Variants in HHIPL1 observed in about 807,000 individuals in gnomAD.
The protein encoded by HHIPL1 is HHIP like 1.
In HHIPL1, 43 loss-of-function variants were observed where a neutral mutation model predicts 61.8. The ratio of observed to expected loss-of-function variants is 0.70; its 90% CI spans 0.55 to 0.90. HHIPL1 has a LOEUF of 0.90. Among genes scored for constraint, HHIPL1 ranks in the 40% least tolerant of loss-of-function variants. The probability of loss-of-function intolerance (pLI) is 0.00; values close to 1 mark genes in which losing one functional copy is unlikely to be tolerated. For missense variants in HHIPL1, 1,056 were observed against 1,157.7 expected, an observed-to-expected ratio of 0.91 and a Z score of 1.28; for synonymous variants, 482 against 515.8, an observed-to-expected ratio of 0.93 and a Z score of 0.89.
chr14:99,660,280 A>T lies in HHIPL1; in HGVS notation c.1376A>T (p.Asn459Ile). The change falls in exon 5 of 9, where the codon AAT (asparagine) becomes ATT (isoleucine). Residue 459 changes from asparagine (N) to isoleucine (I), a missense_variant and splice_region_variant. Physicochemically the swap from Asn to Ile is moderately radical, Grantham distance 149. Coordinates refer to ENST00000330710, the MANE Select transcript of HHIPL1 (RefSeq NM_001127258.3). This position sits in a 1 kb window ranked among gnomAD's most constrained non-coding sequence, Gnocchi z 4.9. Reference protein sequence around the residue: ...DRSLCANTSLNDLLPIFAYPH... With the variant: ...DRSLCANTSLIDLLPIFAYPH... ...AGCTTCTCTCCCTCCCACCCCGCAG[A>T]TGACTTGCTGCCGATTTTCGCCTAC... The T allele has an allele frequency of 6.2e-7, 1 of 1,613,814 alleles. No homozygotes were observed. The highest frequency in any genetic ancestry group is 2.2e-5 in the East Asian group (1 of 44,812).
chr14:99,632,007 A>G, the HHIPL1 span, among the ~76,000 whole-genome samples: 1 of 152,168 alleles, frequency 6.6e-6, no homozygotes, highest in Non-Finnish European at 1.5e-5. Context: ...CCTGGGAGCG[A>G]GGCTGGGAGT....
the HHIPL1 span, among the ~76,000 whole-genome samples, chr14:99,613,587 C>T: frequency 3.3e-5 from 5 of 152,040 alleles, no homozygotes; most frequent in Non-Finnish European, 5.9e-5. Flanking sequence ...GTGTGAGCCA[C>T]GTTGCCAGGC....
the HHIPL1 span, among the ~76,000 whole-genome samples, chr14:99,634,819 G>C: frequency 1.3e-5 from 2 of 152,218 alleles, no homozygotes; most frequent in Admixed American, 6.5e-5. Context: ...CAGGCTGGCA[G>C]TCCGCAGCGG....
chr14:99,615,955 G>A, the HHIPL1 span, among the ~76,000 whole-genome samples: 1 of 152,186 alleles, frequency 6.6e-6, no homozygotes, highest in African/African-American at 2.4e-5. Flanking sequence ...GTCAAAACAA[G>A]GAGGCAATTA....
intron 3 of HHIPL1, among the ~76,000 whole-genome samples, chr14:99,657,881 C>A (rs371362981): frequency 5.4e-4 from 82 of 151,292 alleles, no homozygotes; most frequent in African/African-American, 1.9e-3. Context: ...ACACACACAT[C>A]CACACACATC....
chr14:99,631,052 CTTTCTTTCTTTCTTTCTTTCTTTCTTTCT>C, the HHIPL1 span, among the ~76,000 whole-genome samples: 8 of 63,774 alleles, frequency 1.3e-4, no homozygotes, highest in Admixed American at 2.7e-4. Context: ...GCTCCATTTT[CTTTCTTTCTTTCTTTCTTTCTTTCTTTCT>C]TTCTTTCTTT....
chr14:99,660,337 G>A lies in HHIPL1; in HGVS notation c.1433G>A (p.Gly478Asp), dbSNP rs528199349. Residue 478 changes from glycine to aspartate, a missense_variant, in exon 5 of 9, where the codon GGC (glycine) becomes GAC (aspartate). Coordinates refer to ENST00000330710, the MANE Select transcript of HHIPL1 (RefSeq NM_001127258.3). This position sits in a 1 kb window ranked among gnomAD's most constrained non-coding sequence, Gnocchi z 4.9. ...PHTVGKSVTGGYVYRGCEYPN... is the reference protein window; with the variant it reads ...PHTVGKSVTGDYVYRGCEYPN... Reference sequence around the variant, plus strand: ...ACGGTTGGCAAGTCGGTCACAGGGGGCTACGTGTACCGGGGCTGCGAGTAC... The same window carrying A: ...ACGGTTGGCAAGTCGGTCACAGGGGACTACGTGTACCGGGGCTGCGAGTAC... 3.5e-5 allele frequency: 56 copies of A among 1,614,132 alleles called. No homozygotes were observed. The highest frequency in any genetic ancestry group is 4.2e-5 in the Non-Finnish European group (50 of 1,180,004).
At chr14:99,646,769 G>A (rs969637875) in intron 1 of HHIPL1, among the ~76,000 whole-genome samples, 120 of 149,388 alleles carry the variant, frequency 8.0e-4, no homozygotes, top group African/African-American at 2.8e-3. Flanking sequence ...GCAAGACTCC[G>A]TCTCAAAAAT....
chr14:99,651,034 A>G (rs762788956), intron 1 of HHIPL1, among the ~76,000 whole-genome samples: 1 of 152,194 alleles, frequency 6.6e-6, no homozygotes, highest in Non-Finnish European at 1.5e-5. Context: ...AGATGGCTTG[A>G]GCTCAGGAGT....
In HHIPL1 at chr14:99,672,351, G is replaced by C; in HGVS notation, c.1765G>C (p.Ala589Pro). Residue 589 changes from alanine to proline, a missense_variant, in exon 8 of 9, where the codon GCT becomes CCT. Coordinates refer to ENST00000330710, the MANE Select transcript of HHIPL1 (RefSeq NM_001127258.3). ...ACCTGGCAAATGTCAGATCCAGCCTGCTCAGGTGAAGATCAGAAGCCGTCT... is the reference window on the plus strand; with the variant it reads ...ACCTGGCAAATGTCAGATCCAGCCTCCTCAGGTGAAGATCAGAAGCCGTCT... ...APPGKCQIQP[A>P]QVKIRSRLIP... 1 of 1,551,234 alleles carries C rather than the reference G, an allele frequency of 6.4e-7. No homozygotes were observed. The highest frequency in any genetic ancestry group is 8.7e-7 in the Non-Finnish European group (1 of 1,146,924).
chr14:99,620,934 A>G, the HHIPL1 span, among the ~76,000 whole-genome samples: 8 of 152,206 alleles, frequency 5.3e-5, no homozygotes, highest in African/African-American at 1.4e-4. Context: ...TCTGAAGGCA[A>G]CACTCGGGTC....
At chr14:99,647,754 A>T (rs1400138278) in intron 1 of HHIPL1, among the ~76,000 whole-genome samples, 1 of 152,132 alleles carries the variant, frequency 6.6e-6, no homozygotes, top group Admixed American at 6.5e-5. Flanking sequence ...GAGGTGGTGG[A>T]GGTGCCTTAT....
chr14:99,623,559 G>GGGGGCA, the HHIPL1 span, among the ~76,000 whole-genome samples: 1 of 152,158 alleles, frequency 6.6e-6, no homozygotes, highest in East Asian at 1.9e-4. Context: ...GACTGCAAGA[G>GGGGGCA]TGCACCACCA....
chr14:99,657,754 C>T (rs866205798), intron 3 of HHIPL1, among the ~76,000 whole-genome samples: 2 of 142,376 alleles, frequency 1.4e-5, no homozygotes, highest in Admixed American at 6.7e-5. Flanking sequence ...CACACAAACA[C>T]ACATACACAC....
intron 8 of HHIPL1, among the ~76,000 whole-genome samples, chr14:99,674,297 C>T (rs577195148): frequency 5.5e-4 from 84 of 152,156 alleles, no homozygotes; most frequent in Middle Eastern, 3.4e-3. Flanking sequence ...TAGAGCTGGG[C>T]ACAGCAAAGT....
At chr14:99,646,583 T>C (rs1185673520) in intron 1 of HHIPL1, among the ~76,000 whole-genome samples, 2 of 152,304 alleles carry the variant, frequency 1.3e-5, no homozygotes, top group Admixed American at 6.5e-5. Flanking sequence ...GAGACCAGCC[T>C]GGCCAACATG....
intron 1 of HHIPL1, among the ~76,000 whole-genome samples, chr14:99,647,426 C>T (rs2055859396): frequency 6.6e-6 from 1 of 152,222 alleles, no homozygotes; most frequent in Non-Finnish European, 1.5e-5. Flanking sequence ...ATGTGCCAGG[C>T]TCAGCACGGC....
rs190476472 is a variant in HHIPL1, at chr14:99,674,566, C to T, written c.1814-525C>T. Reference sequence around the variant, plus strand: ...ACCCCAGGGATCCCTGTGTGTATCCCGTTCCCAACCTGCTGGCCACTGGCC... The same window carrying T: ...ACCCCAGGGATCCCTGTGTGTATCCTGTTCCCAACCTGCTGGCCACTGGCC... On this transcript the variant is annotated intron_variant, in intron 8 of 8. Coordinates refer to ENST00000330710, the MANE Select transcript of HHIPL1 (RefSeq NM_001127258.3). 5.7e-3 allele frequency among the ~76,000 whole-genome samples: 865 copies of T among 152,270 alleles called. 10 individuals carry two copies. Among genetic ancestry groups the T allele is most frequent in the Non-Finnish European group, 6.6e-3 (449 of 68,008 alleles).
At chr14:99,659,877 AG>A in intron 4 of HHIPL1, 121 bp downstream of exon 4, 2 of 625,182 alleles carry the variant, frequency 3.2e-6, no homozygotes, top group Non-Finnish European at 4.7e-6. Context: ...CCTGACCCTG[AG>A]TCTGTCCTCG....
Sources: gnomAD v4.1 joint callset for allele counts (sites outside exome capture counted in the v4.1 genomes callset) on GRCh38, gnomAD v4.1.1 for gene constraint, Gnocchi (gnomAD v3.1) non-coding constraint, MANE v1.5 for transcripts, NCBI Gene and HGNC (gene_info 2026-07-23, HGNC 2026-07-21) for gene names.